Variants in SNX24 observed in about 807,000 individuals in gnomAD.
SNX24 encodes the protein sorting nexin-24.
Under a neutral mutation model 28.7 loss-of-function variants are expected in SNX24, and 22 were observed. That is an observed-to-expected ratio of 0.77 (90% CI 0.55 to 1.10). The LOEUF (loss-of-function observed/expected upper bound fraction) is 1.10. Among genes scored for constraint, SNX24 ranks in the 50% least tolerant of loss-of-function variants. The pLI is 0.00. For missense variants in SNX24, 221 were observed against 201.1 expected (o/e 1.10, Z -0.60); for synonymous variants, 69 against 71.5 (o/e 0.96, Z 0.18).
intron 1 of SNX24, among the ~76,000 whole-genome samples, chr5:122,884,327 C>A (rs1756612043): frequency 6.9e-6 from 1 of 145,074 alleles, no homozygotes; most frequent in Admixed American, 7.1e-5. Context: ...TCTTGGCTCA[C>A]TGCAACCTCC....
At chr5:122,849,388 C>T (rs1406706781) in intron 1 of SNX24, among the ~76,000 whole-genome samples, 2 of 152,034 alleles carry the variant, frequency 1.3e-5, no homozygotes, top group Non-Finnish European at 2.9e-5. Context: ...GTTAGGGTGA[C>T]CCAATGTCAG....
At chr5:122,882,655 A>G (rs35401912) in intron 1 of SNX24, among the ~76,000 whole-genome samples, 3 of 152,308 alleles carry the variant, frequency 2.0e-5, no homozygotes, top group African/African-American at 4.8e-5. Context: ...GTATGGACCT[A>G]TGGGAAAAAA....
intron 1 of SNX24, among the ~76,000 whole-genome samples, chr5:122,922,508 C>T (rs922249709): frequency 6.6e-6 from 1 of 152,032 alleles, no homozygotes; most frequent in East Asian, 1.9e-4. Flanking sequence ...CCACCTCAGC[C>T]TCCCAAAGTG....
At chr5:122,882,543 A>G (rs1323893716) in intron 1 of SNX24, among the ~76,000 whole-genome samples, 1 of 152,178 alleles carries the variant, frequency 6.6e-6, no homozygotes, top group Non-Finnish European at 1.5e-5. Context: ...TCCTGCCCTC[A>G]TCTCTTTGTT....
intron 1 of SNX24, among the ~76,000 whole-genome samples, chr5:122,925,358 C>A (rs1323049295): frequency 6.7e-6 from 1 of 150,294 alleles, no homozygotes; most frequent in African/African-American, 2.5e-5. Context: ...CCCCTGGGCT[C>A]TAGCTCCCTG....
At chr5:122,877,230 A>G (rs1011295897) in intron 1 of SNX24, among the ~76,000 whole-genome samples, 5 of 152,148 alleles carry the variant, frequency 3.3e-5, no homozygotes, top group South Asian at 2.1e-4. Flanking sequence ...GGGGCTGCCA[A>G]GGGTATTTCT....
chr5:122,931,033 G>A (rs2150111658), intron 1 of SNX24, among the ~76,000 whole-genome samples: 1 of 152,272 alleles, frequency 6.6e-6, no homozygotes, highest in Admixed American at 6.5e-5. Context: ...CATTAAGTGA[G>A]GGCTTACTAT....
chr5:122,881,294 T>A (rs184063881), intron 1 of SNX24, among the ~76,000 whole-genome samples: 2 of 152,340 alleles, frequency 1.3e-5, no homozygotes, highest in East Asian at 3.9e-4. Flanking sequence ...ATAGTTGCCT[T>A]TTTAGAGATA....
At chr5:123,002,171 C>G (rs1762270106) in intron 6 of SNX24, 167 bp downstream of exon 6, 4 of 615,128 alleles carry the variant, frequency 6.5e-6, no homozygotes, top group South Asian at 2.0e-5. Flanking sequence ...TTAATTGGGG[C>G]TGGCCTTTCA....
downstream of SNX24, among the ~76,000 whole-genome samples, chr5:123,010,776 T>G (rs189043136): frequency 1.5e-4 from 23 of 152,338 alleles, no homozygotes; most frequent in African/African-American, 5.3e-4. Context: ...CAAGCAGATA[T>G]TGTATGTTTA....
chr5:123,011,587 G>A (rs1400000009), downstream of SNX24, among the ~76,000 whole-genome samples: 1 of 152,142 alleles, frequency 6.6e-6, no homozygotes, highest in Non-Finnish European at 1.5e-5. Context: ...AACTTTGATC[G>A]ATTGACAATG....
chr5:123,024,952 G>C (rs2150188272), intron 5 of SNX24, among the ~76,000 whole-genome samples: 1 of 152,104 alleles, frequency 6.6e-6, no homozygotes, highest in Admixed American at 6.6e-5. Flanking sequence ...AGGGAATGAG[G>C]GTTTTAAGAA....
In SNX24 at chr5:122,991,757, A is replaced by G. The variant is rs1761859330; in HGVS notation, c.250-8155A>G. 2.6e-5 allele frequency among the ~76,000 whole-genome samples: 4 copies of G among 152,240 alleles called. 1 individual carries two copies. The South Asian group carries it at 8.3e-4, about 32-fold the overall frequency. The stretch of plus-strand genomic sequence containing the variant: ...ATTATAGGTGTGAGCCCCTGCACCC[A>G]GTCGTTTTGTTGTTGTTGTTGTTGT... On this transcript the variant is annotated intron_variant, in intron 3 of 6. Transcript: ENST00000261369.
chr5:122,858,232 A>G (rs930200368), intron 1 of SNX24, among the ~76,000 whole-genome samples: 10 of 152,228 alleles, frequency 6.6e-5, no homozygotes, highest in Non-Finnish European at 1.2e-4. Flanking sequence ...ACAGATCACC[A>G]TAACAGATAA....
chr5:122,931,473 A>T lies in SNX24; in HGVS notation c.61-5261A>T, dbSNP rs540307059. 2.0e-5 allele frequency among the ~76,000 whole-genome samples: 3 copies of T among 152,278 alleles called. No individual in the cohort carries two copies. The East Asian group carries it at 5.8e-4, about 29-fold the overall frequency. On this transcript the variant is annotated intron_variant, in intron 1 of 6. Coordinates refer to ENST00000261369, the MANE Select transcript of SNX24 (RefSeq NM_014035.4). ...AAGAAATGGCGCTTTTAGAGATTCA[A>T]CTTTTTATAGTGGAATAACAACCTT...
chr5:122,868,548 C>T (rs1755823961), intron 1 of SNX24, among the ~76,000 whole-genome samples: 1 of 152,152 alleles, frequency 6.6e-6, no homozygotes, highest in Non-Finnish European at 1.5e-5. Flanking sequence ...GTATCTGCCA[C>T]GGATACTTCA....
At chr5:122,908,663 G>A (rs1757751079) in intron 1 of SNX24, among the ~76,000 whole-genome samples, 1 of 152,192 alleles carries the variant, frequency 6.6e-6, no homozygotes. Context: ...CCGACTGCCA[G>A]AACTATAATT....
intron 1 of SNX24, among the ~76,000 whole-genome samples, chr5:122,866,650 C>T (rs189783796): frequency 3.9e-5 from 6 of 152,226 alleles, no homozygotes; most frequent in East Asian, 3.9e-4. Flanking sequence ...AATATTAATA[C>T]TATGCTTGAA....
At chr5:122,909,257 G>A (rs1561579253) in intron 1 of SNX24, among the ~76,000 whole-genome samples, 1 of 152,132 alleles carries the variant, frequency 6.6e-6, no homozygotes, top group Admixed American at 6.6e-5. Flanking sequence ...TGAGTTTATT[G>A]TCATTGACTA....
Sources: gnomAD v4.1 joint callset for allele counts (sites outside exome capture counted in the v4.1 genomes callset) on GRCh38, gnomAD v4.1.1 for gene constraint, MANE v1.5 for transcripts, NCBI Gene and HGNC (gene_info 2026-07-23, HGNC 2026-07-21) for gene names.